DPP10: variants seen among roughly 807,000 people sequenced by gnomAD.
DPP10 encodes inactive dipeptidyl peptidase 10.
A neutral mutation model predicts 120.9 loss-of-function variants in DPP10; 33 were observed. That is an observed-to-expected ratio of 0.27 (90% confidence interval 0.21 to 0.37). The LOEUF (loss-of-function observed/expected upper bound fraction) is 0.37. Among genes scored for constraint, DPP10 ranks in the 10% least tolerant of loss-of-function variants. The pLI is 1.00. For synonymous variants in DPP10, 337 were observed against 326.1 expected, an observed-to-expected ratio of 1.03 and a Z score of -0.36; for missense variants, 816 against 942.8, an observed-to-expected ratio of 0.87 and a Z score of 1.76.
intron 2 of DPP10, among the ~76,000 whole-genome samples, chr2:115,329,358 G>C (rs1233352671): frequency 6.6e-6 from 1 of 152,002 alleles, no homozygotes; most frequent in African/African-American, 2.4e-5. Context: ...TCTGACCCAG[G>C]AAACAAATTA....
chr2:115,364,563 G>T (rs1008985929), intron 3 of DPP10, among the ~76,000 whole-genome samples: 3 of 150,392 alleles, frequency 2.0e-5, no homozygotes, highest in African/African-American at 4.9e-5. Flanking sequence ...GCAAATTCCT[G>T]CTTTTCCTTA....
intron 11 of DPP10, among the ~76,000 whole-genome samples, chr2:115,758,459 A>G (rs926055462): frequency 2.0e-5 from 3 of 152,160 alleles, no homozygotes; most frequent in Admixed American, 6.6e-5. Context: ...AAAGACCTAA[A>G]TAAATGGAAG....
At chr2:114,866,565 G>C (rs1690251432) in intron 1 of DPP10, among the ~76,000 whole-genome samples, 1 of 152,180 alleles carries the variant, frequency 6.6e-6, no homozygotes, top group Non-Finnish European at 1.5e-5. Flanking sequence ...TCTCATGATG[G>C]CTCTATGAGG....
chr2:114,587,305 A>G (rs1261637088), intron 1 of DPP10, among the ~76,000 whole-genome samples: 6 of 148,848 alleles, frequency 4.0e-5, no homozygotes, highest in Admixed American at 3.3e-4. Flanking sequence ...CCATCTCAAA[A>G]AAAAAAAAAA....
intron 1 of DPP10, among the ~76,000 whole-genome samples, chr2:114,892,297 A>G (rs1879123): frequency 0.58 from 87,519 of 151,908 alleles, 25,727 homozygotes; most frequent in East Asian, 0.7. Context: ...TGTATTAACC[A>G]TCTGCCTCTG....
intron 5 of DPP10, among the ~76,000 whole-genome samples, chr2:115,682,462 A>G (rs1472042107): frequency 6.6e-6 from 1 of 151,960 alleles, no homozygotes; most frequent in East Asian, 1.9e-4. Flanking sequence ...TTTGCACTAT[A>G]GAAAACGTCG....
rs2067517041 is a variant in DPP10 at position 115,394,327 on chromosome 2, A to G, written c.271+50415A>G. Among the ~76,000 whole-genome samples, 3 of 152,134 alleles carry G rather than the reference A, an allele frequency of 2.0e-5. No individual in the cohort carries two copies. In the South Asian group the frequency reaches 6.2e-4, roughly 31 times the overall value. ...AAATGACTTACATCACATTCCTCCT[A>G]AAAATGTCAGTAAAAAGATTGATAA... On this transcript the variant is annotated intron_variant, in intron 3 of 25. Transcript: ENST00000410059.
chr2:115,227,080 A>G (rs2057470156), intron 1 of DPP10, among the ~76,000 whole-genome samples: 1 of 152,196 alleles, frequency 6.6e-6, no homozygotes, highest in Non-Finnish European at 1.5e-5. Flanking sequence ...GCTAAAAATA[A>G]AGACAGATAT....
At chr2:114,722,269 T>C (rs1196058619) in intron 1 of DPP10, among the ~76,000 whole-genome samples, 1 of 152,196 alleles carries the variant, frequency 6.6e-6, no homozygotes, top group Non-Finnish European at 1.5e-5. Flanking sequence ...AGACTAGCAC[T>C]ACACTATTTT....
intron 5 of DPP10, among the ~76,000 whole-genome samples, chr2:115,622,968 A>T (rs981689378): frequency 2.0e-5 from 3 of 150,832 alleles, no homozygotes; most frequent in African/African-American, 7.3e-5. Flanking sequence ...TCAGCCTCCC[A>T]TGTAGCTGGG....
At chr2:115,161,366 G>C (rs113069166) in intron 1 of DPP10, 7,564 of 152,284 alleles carry the variant, frequency 0.05, 287 homozygotes, top group Middle Eastern at 0.075. Flanking sequence ...TGCTTCGCAC[G>C]GGCGCGCTCC....
At chr2:115,617,272 T>TATATATATATATATATATATA (rs58444943) in intron 5 of DPP10, among the ~76,000 whole-genome samples, 10 of 135,864 alleles carry the variant, frequency 7.4e-5, no homozygotes, top group African/African-American at 2.7e-4. Context: ...TATATATTTT[T>TATATATATATATATATATATA]TATATATATA....
intron 1 of DPP10, among the ~76,000 whole-genome samples, chr2:115,247,263 C>T (rs2058575365): frequency 6.6e-6 from 1 of 152,016 alleles, no homozygotes; most frequent in Non-Finnish European, 1.5e-5. Context: ...GCCTGCATGT[C>T]CTCATCATTG....
intron 2 of DPP10, among the ~76,000 whole-genome samples, chr2:115,312,196 T>C (rs1224576469): frequency 6.6e-6 from 1 of 152,178 alleles, no homozygotes; most frequent in African/African-American, 2.4e-5. Flanking sequence ...GGAAAAGGTA[T>C]TGCTGTAGGA....
chr2:114,451,254 T>A (rs1222259292), intron 1 of DPP10, among the ~76,000 whole-genome samples: 1 of 152,142 alleles, frequency 6.6e-6, no homozygotes, highest in East Asian at 1.9e-4. Flanking sequence ...AGTTGTTGGA[T>A]GACCAGTGAG....
At chr2:115,372,895 A>T (rs2065513978) in intron 3 of DPP10, among the ~76,000 whole-genome samples, 1 of 152,202 alleles carries the variant, frequency 6.6e-6, no homozygotes, top group Non-Finnish European at 1.5e-5. Flanking sequence ...TTTGTCACTG[A>T]AAATAGAAAC....
intron 1 of DPP10, among the ~76,000 whole-genome samples, chr2:114,777,965 G>T (rs1681910898): frequency 6.6e-6 from 1 of 152,070 alleles, no homozygotes; most frequent in Non-Finnish European, 1.5e-5. Flanking sequence ...ATAATCTGAA[G>T]ATCTAAATTT....
chr2:115,357,063 CT>C (rs907799571), intron 3 of DPP10, among the ~76,000 whole-genome samples: 1 of 152,204 alleles, frequency 6.6e-6, no homozygotes, highest in African/African-American at 2.4e-5. Context: ...TTGTTCCCAT[CT>C]TTATGTTCAT....
intron 3 of DPP10, among the ~76,000 whole-genome samples, chr2:115,415,841 T>TATATATA (rs773341293): frequency 0.017 from 1,250 of 74,252 alleles, 28 homozygotes; most frequent in Middle Eastern, 0.042. Flanking sequence ...TGATTTGCTT[T>TATATATA]TATATATATA....
Sources: gnomAD v4.1 joint callset for allele counts (sites outside exome capture counted in the v4.1 genomes callset) on GRCh38, gnomAD v4.1.1 for gene constraint, MANE v1.5 for transcripts, NCBI Gene and HGNC (gene_info 2026-07-23, HGNC 2026-07-21) for gene names.